CREG2: variants seen among roughly 807,000 people sequenced by gnomAD.
CREG2 encodes the protein cellular repressor of E1A stimulated genes 2.
Under a neutral mutation model 26.2 loss-of-function variants are expected in CREG2, and 24 were observed. The ratio of observed to expected loss-of-function variants is 0.92; its 90% CI spans 0.66 to 1.29. The LOEUF (loss-of-function observed/expected upper bound fraction) is 1.29. CREG2 is among the 50% of genes most tolerant of loss of function. The pLI, the probability that CREG2 is intolerant of heterozygous loss-of-function variation, is 0.00. For missense variants in CREG2, 366 were observed against 398.6 expected (o/e 0.92, Z 0.70); for synonymous variants, 174 against 169.2 (o/e 1.03, Z -0.22).
intron 3 of CREG2, 76 bp from the exon 4 acceptor site, chr2:101,351,146 C>G: frequency 6.9e-7 from 1 of 1,446,716 alleles, no homozygotes; most frequent in East Asian, 2.3e-5. Context: ...CATAGGACCT[C>G]CAGAGTCCAG....
At position 101,380,360 on chromosome 2, in the gene CREG2, C is replaced by T. The variant is rs533614930; in HGVS notation, c.611+3173G>A. Among the ~76,000 whole-genome samples the T allele has an allele frequency of 1.9e-4, 29 of 152,322 alleles. 1 individual carries two copies. The highest frequency in any genetic ancestry group is 3.4e-3 in the Middle Eastern group (1 of 294). ...ATGCTGGTGCAGAGTCTGCAGTAAC[C>T]GGGGCTAACTTGATGAACGCAGAGG... On this transcript the variant is annotated intron_variant, in intron 2 of 3. Coordinates refer to ENST00000324768, the MANE Select transcript of CREG2 (RefSeq NM_153836.4).
intron 2 of CREG2, among the ~76,000 whole-genome samples, chr2:101,375,331 T>C (rs1030508226): frequency 2.6e-5 from 4 of 152,114 alleles, no homozygotes; most frequent in Admixed American, 6.5e-5. Context: ...CTGGAATCTA[T>C]TCAGTTTGCA....
intron 2 of CREG2, among the ~76,000 whole-genome samples, chr2:101,378,506 G>A (rs945657550): frequency 2.0e-5 from 3 of 152,112 alleles, no homozygotes; most frequent in East Asian, 3.9e-4. Context: ...GCAGGAGTTC[G>A]CACTTTATAA....
At chr2:101,356,799 G>A (rs1573302747) in intron 2 of CREG2, among the ~76,000 whole-genome samples, 1 of 152,136 alleles carries the variant, frequency 6.6e-6, no homozygotes, top group South Asian at 2.1e-4. Flanking sequence ...GTGACTGCTT[G>A]CTAAGAAATG....
At chr2:101,357,470 GC>G (rs1180305847) in intron 2 of CREG2, among the ~76,000 whole-genome samples, 1 of 152,152 alleles carries the variant, frequency 6.6e-6, no homozygotes, top group Non-Finnish European at 1.5e-5. Flanking sequence ...GCTCTTCTTG[GC>G]CACAGCTTGT....
intron 2 of CREG2, among the ~76,000 whole-genome samples, chr2:101,378,816 G>A (rs896790920): frequency 6.6e-6 from 1 of 152,092 alleles, no homozygotes; most frequent in Non-Finnish European, 1.5e-5. Flanking sequence ...AGACCAGCCT[G>A]GCCAAGGTGG....
Position 101,347,882 on chromosome 2 carries a change from C to T in CREG2, c.*3041G>A, listed in dbSNP as rs759610458. The T allele has an allele frequency of 5.9e-5, 9 of 152,210 alleles. No homozygotes were observed. The highest frequency in any genetic ancestry group is 8.8e-5 in the Non-Finnish European group (6 of 68,034). The allele number at this position is 152,210 out of a possible 1,614,324, so 9.4% of individuals were successfully genotyped here. ...ATTGTGCTTTTGGTATCAAGTCTAA[C>T]AACCCTTTGCTTAGCCCTAGTTCCA... is the stretch of plus-strand genomic sequence containing the variant. On this transcript the variant is annotated 3_prime_UTR_variant, in exon 4 of 4. Transcript: ENST00000324768.
intron 2 of CREG2, among the ~76,000 whole-genome samples, chr2:101,368,241 T>C (rs1302623333): frequency 6.7e-6 from 1 of 150,360 alleles, no homozygotes; most frequent in African/African-American, 2.5e-5. Context: ...TGAGCCGAGA[T>C]TGCACCATTG....
Position 101,358,844 on chromosome 2 carries a change from G to C in CREG2, c.612-3478C>G, listed in dbSNP as rs1684499326. Among the ~76,000 whole-genome samples the C allele has an allele frequency of 2.9e-5, 2 of 68,370 alleles. 1 individual carries two copies. The highest frequency in any genetic ancestry group is 6.9e-5 in the African/African-American group (2 of 28,878). 44.9% of individuals were successfully genotyped at this position (68,370 alleles called of 152,430 possible). On this transcript the variant is annotated intron_variant, in intron 2 of 3. Transcript: ENST00000324768. The stretch of plus-strand genomic sequence containing the variant: ...AGGTCAGGAGATCGAGACCATCCCG[G>C]CTAAAACGGTGAAACCCCGTCTCTA...
chr2:101,357,106 C>T (rs892500631), intron 2 of CREG2, among the ~76,000 whole-genome samples: 2 of 152,212 alleles, frequency 1.3e-5, no homozygotes, highest in African/African-American at 2.4e-5. Flanking sequence ...CCAAGCTGGT[C>T]TCAAACTCCT....
chr2:101,380,341 G>C (rs1023895838), intron 2 of CREG2, among the ~76,000 whole-genome samples: 1 of 152,236 alleles, frequency 6.6e-6, no homozygotes, highest in African/African-American at 2.4e-5. Context: ...GCCCATGCTG[G>C]TGCAGAGTCT....
intron 2 of CREG2, among the ~76,000 whole-genome samples, chr2:101,359,068 AAAAAG>A (rs1684503972): frequency 6.8e-5 from 1 of 14,612 alleles, no homozygotes; most frequent in African/African-American, 1.0e-4. Context: ...AAAAAAAAAA[AAAAAG>A]AGAGAACTGA....
rs150807813 is a variant in CREG2, at chr2:101,351,208, G to C, written c.726-138C>G. ...CATCAGCCAGAGGCAGAACCAGGGA[G>C]CTGAGTGTCAGTGCCTGGGACCACC... On this transcript the variant is annotated intron_variant, in intron 3 of 3. Transcript: ENST00000324768. The C allele has an allele frequency of 2.8e-4, 228 of 807,618 alleles. No individual in the cohort carries two copies. The African/African-American group carries it at 3.7e-3, about 13-fold the overall frequency. The allele number at this position is 807,618 out of a possible 1,614,324, so 50.0% of individuals were successfully genotyped here.
intron 1 of CREG2, among the ~76,000 whole-genome samples, chr2:101,385,472 C>T (rs1353389582): frequency 2.0e-5 from 3 of 152,264 alleles, no homozygotes; most frequent in South Asian, 2.1e-4. Context: ...TGAGCCACGA[C>T]GCCTGGCCAA....
At chr2:101,367,703 C>CTG (rs1684639125) in intron 2 of CREG2, among the ~76,000 whole-genome samples, 1 of 148,368 alleles carries the variant, frequency 6.7e-6, no homozygotes, top group African/African-American at 2.6e-5. Context: ...GTTAGGGATC[C>CTG]TGAGAGAGAG....
chr2:101,371,584 G>A (rs1346901637), intron 2 of CREG2, among the ~76,000 whole-genome samples: 1 of 152,250 alleles, frequency 6.6e-6, no homozygotes, highest in Admixed American at 6.5e-5. Flanking sequence ...AAAGGCAGGA[G>A]TGGATGGCCA....
intron 1 of CREG2, among the ~76,000 whole-genome samples, chr2:101,385,371 G>C (rs930356196): frequency 2.0e-5 from 3 of 152,034 alleles, no homozygotes; most frequent in Non-Finnish European, 4.4e-5. Context: ...AGTAGAGACA[G>C]GGTTTCACCA....
rs1558822584 is a variant in CREG2 at position 101,383,576 on chromosome 2, TGGGGTTCTTCATCAGATCAGCCACCAC to T, written c.541_567del (p.Val181_Pro189del). ...GATTCTGGCAGCATCAGCGAGGCCATGGGGTTCTTCATCAGATCAGCCACCACGGGGTCCTTGGCTGTCATGTAGAAG... is the reference window on the plus strand; with the variant it reads ...GATTCTGGCAGCATCAGCGAGGCCATGGGGTCCTTGGCTGTCATGTAGAAG... On this transcript the variant is annotated inframe_deletion, in exon 2 of 4. Transcript: ENST00000324768. The T allele has an allele frequency of 1.2e-6, 2 of 1,614,184 alleles. No individual in the cohort carries two copies. Among genetic ancestry groups the T allele is most frequent in the South Asian group, 2.2e-5 (2 of 91,076 alleles).
chr2:101,371,755 G>A (rs1290320151), intron 2 of CREG2, among the ~76,000 whole-genome samples: 1 of 152,176 alleles, frequency 6.6e-6, no homozygotes, highest in African/African-American at 2.4e-5. Flanking sequence ...CAGGATGGAA[G>A]TGGCTGCACA....
Sources: gnomAD v4.1 joint callset for allele counts (sites outside exome capture counted in the v4.1 genomes callset) on GRCh38, gnomAD v4.1.1 for gene constraint, MANE v1.5 for transcripts, NCBI Gene and HGNC (gene_info 2026-07-23, HGNC 2026-07-21) for gene names.